Variants in CREB3L2 observed in about 807,000 individuals in gnomAD.
CREB3L2 encodes cAMP responsive element binding protein 3 like 2, also known as cyclic AMP-responsive element-binding protein 3-like protein 2.
A neutral mutation model predicts 57.2 loss-of-function variants in CREB3L2; 23 were observed. The observed-to-expected ratio is 0.40, with a 90% CI of 0.29 to 0.57. CREB3L2 has a LOEUF of 0.57. Ranked by LOEUF, CREB3L2 falls within the 20% of genes least tolerant of loss-of-function variation. The probability of loss-of-function intolerance (pLI) is 0.42; values close to 1 mark genes in which losing one functional copy is unlikely to be tolerated. For synonymous variants in CREB3L2, 268 were observed against 265.1 expected (o/e 1.01, Z -0.11); for missense variants, 628 against 634.7 (o/e 0.99, Z 0.11).
In CREB3L2 at chr7:137,879,038, C is replaced by T. The variant is rs1299911702; in HGVS notation, c.*1438G>A. ...ACAAACTCTATGCACATTTCCTACA[C>T]AAAATCTTTCCCAAGCTCGGAAAAA... On this transcript the variant is annotated 3_prime_UTR_variant, in exon 12 of 12. Transcript: ENST00000330387. The T allele has an allele frequency of 2.3e-6, 1 of 434,256 alleles. No homozygotes were observed. Among genetic ancestry groups the T allele is most frequent in the East Asian group, 4.1e-5 (1 of 24,300 alleles). The allele number at this position is 434,256 out of a possible 1,614,324, so 26.9% of individuals were successfully genotyped here.
chr7:137,903,344 A>T (rs1000786495), intron 7 of CREB3L2, among the ~76,000 whole-genome samples: 1 of 152,230 alleles, frequency 6.6e-6, no homozygotes, highest in African/African-American at 2.4e-5. Context: ...CCTCATGCCC[A>T]TCTTAAAAAT....
In CREB3L2 at chr7:137,901,437, G is replaced by A; in HGVS notation, c.975-15C>T. 3 of 1,565,926 alleles carry A rather than the reference G, an allele frequency of 1.9e-6. No individual in the cohort carries two copies. The highest frequency in any genetic ancestry group is 1.7e-4 in the Middle Eastern group (1 of 5,984). ...AAGACTCCACTCTACAAAGGAGGGA[G>A]AAAGAAGAAAATTATTATCCATAGA... On this transcript the variant is annotated splice_polypyrimidine_tract_variant and intron_variant, in intron 7 of 11. Transcript: ENST00000330387.
intron 1 of CREB3L2, chr7:137,953,507 C>G (rs1365594712): frequency 7.8e-7 from 1 of 1,289,140 alleles, no homozygotes; most frequent in African/African-American, 1.5e-5. Context: ...CAACACACGA[C>G]TCTCCTGAAA....
chr7:137,993,191 T>C (rs1801931179), intron 1 of CREB3L2, among the ~76,000 whole-genome samples: 1 of 152,180 alleles, frequency 6.6e-6, no homozygotes, highest in Admixed American at 6.5e-5. Context: ...ACTTAGGGGA[T>C]AGGTTGGAAA....
chr7:137,984,097 T>A (rs1446488208), intron 1 of CREB3L2, among the ~76,000 whole-genome samples: 1 of 152,206 alleles, frequency 6.6e-6, no homozygotes, highest in Non-Finnish European at 1.5e-5. Flanking sequence ...CCCTTATCTG[T>A]GAGATGCAGG....
chr7:137,997,245 C>G (rs10954595), intron 1 of CREB3L2, among the ~76,000 whole-genome samples: 126,910 of 152,080 alleles, frequency 0.83, 53,834 homozygotes, highest in Middle Eastern at 0.94. Context: ...GACATAGTGA[C>G]GAGGTAAAAA....
chr7:137,962,767 G>A (rs536262880), intron 1 of CREB3L2, among the ~76,000 whole-genome samples: 3 of 152,244 alleles, frequency 2.0e-5, no homozygotes, highest in Admixed American at 6.5e-5. Context: ...CATGGGGGCC[G>A]AACGTTTGTC....
chr7:137,983,098 T>G (rs1341184155), intron 1 of CREB3L2, among the ~76,000 whole-genome samples: 1 of 152,220 alleles, frequency 6.6e-6, no homozygotes, highest in Non-Finnish European at 1.5e-5. Flanking sequence ...CTGAGCAGAC[T>G]AATACACCCA....
chr7:137,905,766 T>G lies in CREB3L2; in HGVS notation c.851A>C (p.Lys284Thr). Residue 284 changes from lysine (K) to threonine (T), a missense_variant, in exon 6 of 12, where the codon AAA becomes ACA. Physicochemically the swap from Lys to Thr is moderately conservative, Grantham distance 78. Around this residue, in one of 3 missense-constraint regions of CREB3L2, gnomAD observed 339 missense variants for 355.4 expected, o/e 0.95. Transcript: ENST00000330387. ...LIAEGYPIPT[K>T]LPLSKSEEKA... ...CTCCTCTGATTTTGACAGGGGCAAT[T>G]TGGTGGGGATGGGATAGCCCTCAGC... The G allele has an allele frequency of 1.2e-6, 2 of 1,614,080 alleles. No homozygotes were observed. Among genetic ancestry groups the G allele is most frequent in the Non-Finnish European group, 1.7e-6 (2 of 1,179,946 alleles).
At chr7:137,910,847 C>A (rs1007762153) in intron 4 of CREB3L2, among the ~76,000 whole-genome samples, 4 of 152,192 alleles carry the variant, frequency 2.6e-5, no homozygotes, top group Non-Finnish European at 5.9e-5. Context: ...TTCTAAATAT[C>A]ATTTGAAATG....
chr7:137,912,091 C>T (rs1434699204), intron 4 of CREB3L2, among the ~76,000 whole-genome samples: 2 of 151,958 alleles, frequency 1.3e-5, no homozygotes, highest in African/African-American at 4.8e-5. Flanking sequence ...AATATAACAA[C>T]CTTGGCCAGG....
At chr7:137,901,962 G>C (rs1439242332) in intron 7 of CREB3L2, among the ~76,000 whole-genome samples, 1 of 151,332 alleles carries the variant, frequency 6.6e-6, no homozygotes, top group Non-Finnish European at 1.5e-5. Flanking sequence ...GGGAGGCTGA[G>C]GCAGGCAGAT....
At chr7:137,921,483 A>C (rs1800273162) in intron 2 of CREB3L2, among the ~76,000 whole-genome samples, 1 of 152,258 alleles carries the variant, frequency 6.6e-6, no homozygotes, top group Non-Finnish European at 1.5e-5. Context: ...TCATCAAGAT[A>C]GGCAAATCAT....
At chr7:137,976,277 A>G (rs17276467) in intron 1 of CREB3L2, among the ~76,000 whole-genome samples, 36,330 of 152,036 alleles carry the variant, frequency 0.24, 5,158 homozygotes, top group South Asian at 0.49. Flanking sequence ...AACACCCTTT[A>G]CCCAGAGAAC....
At chr7:137,910,349 A>C (rs10245191) in intron 4 of CREB3L2, among the ~76,000 whole-genome samples, 2,384 of 151,662 alleles carry the variant, frequency 0.016, 61 homozygotes, top group African/African-American at 0.052. Context: ...AGTCTTGCCA[A>C]AGAGGTCCCT....
chr7:137,972,714 T>TAAAA (rs1801534070), intron 1 of CREB3L2, among the ~76,000 whole-genome samples: 1 of 24,166 alleles, frequency 4.1e-5, no homozygotes, highest in African/African-American at 1.3e-4. Flanking sequence ...AAAAAAAAAA[T>TAAAA]ATATATATAT....
At chr7:137,989,015 A>C (rs371229908) in intron 1 of CREB3L2, among the ~76,000 whole-genome samples, 1 of 152,232 alleles carries the variant, frequency 6.6e-6, no homozygotes, top group South Asian at 2.1e-4. Context: ...GAAAAGAAAG[A>C]GAGAAAGAAA....
chr7:137,975,328 T>C (rs889861077), intron 1 of CREB3L2, among the ~76,000 whole-genome samples: 2 of 152,178 alleles, frequency 1.3e-5, no homozygotes, highest in Non-Finnish European at 2.9e-5. Flanking sequence ...GGGTTACTCA[T>C]AACCAGCAGG....
chr7:137,991,878 A>C lies in CREB3L2; in HGVS notation c.102+9726T>G, dbSNP rs141640024. On this transcript the variant is annotated intron_variant, in intron 1 of 11. Transcript: ENST00000330387. ...AGCCAAGATCACGCCATTGCACTCC[A>C]GCCTGGGCAACAGAGCAAGACTCTG... Among the ~76,000 whole-genome samples the C allele has an allele frequency of 7.1e-3, 1,065 of 150,740 alleles. 13 individuals carry two copies. Among genetic ancestry groups the C allele is most frequent in the African/African-American group, 0.025 (1,016 of 41,020 alleles).
Sources: gnomAD v4.1 joint callset for allele counts (sites outside exome capture counted in the v4.1 genomes callset) on GRCh38, gnomAD v4.1.1 for gene constraint, gnomAD v4.1.1 regional missense constraint, MANE v1.5 for transcripts, NCBI Gene and HGNC (gene_info 2026-07-23, HGNC 2026-07-21) for gene names.